The following RARB variants were observed in gnomAD, a reference collection of about 807,000 sequenced individuals.
RARB encodes the protein HBV-activated protein.
Under a neutral mutation model 51.9 loss-of-function variants are expected in RARB, and 17 were observed. The ratio of observed to expected loss-of-function variants is 0.33; its 90% CI spans 0.22 to 0.49. The LOEUF (loss-of-function observed/expected upper bound fraction) is 0.49, where lower values mean the gene tolerates loss of function less well. Ranked by LOEUF, RARB falls within the 20% of genes least tolerant of loss-of-function variation. The probability of loss-of-function intolerance (pLI) is 0.99; values close to 1 mark genes in which losing one functional copy is unlikely to be tolerated. For synonymous variants in RARB, 215 were observed against 195.4 expected (o/e 1.10, Z -0.84); for missense variants, 369 against 550.8 (o/e 0.67, Z 3.30).
At chr3:24,891,350 C>A (rs965272163) in intron 2 of RARB, among the ~76,000 whole-genome samples, 3 of 152,098 alleles carry the variant, frequency 2.0e-5, no homozygotes, top group African/African-American at 7.2e-5. Flanking sequence ...CTTGTCTGTT[C>A]TGCTTACTAA....
At chr3:25,209,982 A>G (rs1445237656) in intron 5 of RARB, among the ~76,000 whole-genome samples, 1 of 152,192 alleles carries the variant, frequency 6.6e-6, no homozygotes, top group Non-Finnish European at 1.5e-5. Context: ...CTCTTCTGAC[A>G]TATTACTATA....
At chr3:25,469,299 G>C (rs191652349) in intron 2 of RARB, among the ~76,000 whole-genome samples, 16 of 152,280 alleles carry the variant, frequency 1.1e-4, no homozygotes, top group Admixed American at 4.6e-4. Context: ...GATTTTATTT[G>C]ACCAAGGCCA....
intron 1 of RARB, among the ~76,000 whole-genome samples, chr3:25,455,944 C>T (rs917908140): frequency 6.6e-6 from 1 of 152,226 alleles, no homozygotes; most frequent in African/African-American, 2.4e-5. Flanking sequence ...AAACTGAAAT[C>T]ACATCAGGAT....
intron 2 of RARB, among the ~76,000 whole-genome samples, chr3:24,869,663 T>C (rs956101451): frequency 2.6e-5 from 4 of 152,170 alleles, no homozygotes. Flanking sequence ...TACTTCATCA[T>C]ACAGACATAG....
chr3:25,180,629 C>G (rs1382930531), intron 5 of RARB, among the ~76,000 whole-genome samples: 1 of 152,198 alleles, frequency 6.6e-6, no homozygotes, highest in East Asian at 1.9e-4. Context: ...CACAAAAGCT[C>G]TGGTGACTTA....
chr3:25,449,804 T>C (rs1709110902), intron 1 of RARB, among the ~76,000 whole-genome samples: 1 of 151,494 alleles, frequency 6.6e-6, no homozygotes, highest in Non-Finnish European at 1.5e-5. Flanking sequence ...CAGGCTAGAG[T>C]GCAATGGTGC....
intron 2 of RARB, among the ~76,000 whole-genome samples, chr3:25,462,765 G>A (rs937011574): frequency 6.6e-6 from 1 of 152,194 alleles, no homozygotes; most frequent in South Asian, 2.1e-4. Context: ...GCTTCTAGGG[G>A]TGCTGACTGT....
chr3:25,049,591 T>G (rs952229633), intron 2 of RARB, among the ~76,000 whole-genome samples: 3 of 152,262 alleles, frequency 2.0e-5, no homozygotes, highest in African/African-American at 7.2e-5. Context: ...TATATGTCTA[T>G]ACCACATGCT....
At chr3:25,182,552 T>C (rs1700883475) in intron 5 of RARB, among the ~76,000 whole-genome samples, 1 of 152,164 alleles carries the variant, frequency 6.6e-6, no homozygotes, top group African/African-American at 2.4e-5. Flanking sequence ...AATTCACTCT[T>C]CTGATATATA....
chr3:25,103,234 G>T (rs183401440), intron 3 of RARB, among the ~76,000 whole-genome samples: 13 of 152,188 alleles, frequency 8.5e-5, no homozygotes, highest in African/African-American at 2.9e-4. Context: ...TTTATTGTTG[G>T]TCATGAAACA....
intron 3 of RARB, among the ~76,000 whole-genome samples, chr3:25,546,746 G>T (rs988434165): frequency 3.9e-5 from 6 of 151,996 alleles, no homozygotes; most frequent in Non-Finnish European, 8.8e-5. Context: ...AGACAGCGAG[G>T]GATATAAATC....
intron 5 of RARB, among the ~76,000 whole-genome samples, chr3:25,201,185 T>G (rs1411813597): frequency 2.0e-5 from 3 of 152,218 alleles, no homozygotes; most frequent in African/African-American, 7.2e-5. Flanking sequence ...TTATTCTCTT[T>G]GAAGCAATTG....
At chr3:24,992,987 ATATT>A (rs1696946265) in intron 2 of RARB, among the ~76,000 whole-genome samples, 1 of 152,196 alleles carries the variant, frequency 6.6e-6, no homozygotes, top group South Asian at 2.1e-4. Context: ...ATTTTGAGAC[ATATT>A]TAGTGAATTT....
intron 5 of RARB, among the ~76,000 whole-genome samples, chr3:25,248,526 C>T (rs1349603378): frequency 6.6e-6 from 1 of 152,042 alleles, no homozygotes; most frequent in Non-Finnish European, 1.5e-5. Flanking sequence ...GGTGTGTTTG[C>T]TCTACCAGTG....
chr3:24,912,975 CTTTTTTT>C (rs386396163), intron 2 of RARB, among the ~76,000 whole-genome samples: 1,336 of 75,058 alleles, frequency 0.018, 57 homozygotes, highest in Middle Eastern at 0.068. Flanking sequence ...GGTACTGATT[CTTTTTTT>C]TTTTTTTTTT....
At chr3:24,892,525 T>G (rs1490517404) in intron 2 of RARB, among the ~76,000 whole-genome samples, 1 of 152,184 alleles carries the variant, frequency 6.6e-6, no homozygotes, top group African/African-American at 2.4e-5. Flanking sequence ...CAATCAATAG[T>G]TAAGATATGA....
intron 4 of RARB, among the ~76,000 whole-genome samples, chr3:25,150,083 T>C (rs1700258915): frequency 6.6e-6 from 1 of 151,704 alleles, no homozygotes; most frequent in South Asian, 2.1e-4. Context: ...GCACCTGTAA[T>C]ACCAGCTACT....
At chr3:24,903,239 A>T (rs1423163095) in intron 2 of RARB, among the ~76,000 whole-genome samples, 1 of 152,124 alleles carries the variant, frequency 6.6e-6, no homozygotes, top group Non-Finnish European at 1.5e-5. Context: ...AAATAAAATG[A>T]TGCATTGGTA....
intron 5 of RARB, among the ~76,000 whole-genome samples, chr3:25,377,815 C>T (rs969125050): frequency 1.3e-5 from 2 of 152,100 alleles, no homozygotes; most frequent in African/African-American, 2.4e-5. Context: ...AGTCACTTAA[C>T]CCAACACACT....
Sources: gnomAD v4.1 joint callset for allele counts (sites outside exome capture counted in the v4.1 genomes callset) on GRCh38, gnomAD v4.1.1 for gene constraint, MANE v1.5 for transcripts, NCBI Gene and HGNC (gene_info 2026-07-23, HGNC 2026-07-21) for gene names.